The following METTL16 variants were observed in gnomAD, a reference collection of about 807,000 sequenced individuals.
The protein encoded by METTL16 is RNA N(6)-adenosine-methyltransferase METTL16.
A neutral mutation model predicts 57.9 loss-of-function variants in METTL16; 19 were observed. That is an observed-to-expected ratio of 0.33 (90% CI 0.23 to 0.48). The LOEUF is 0.48. Among genes scored for constraint, METTL16 ranks in the 20% least tolerant of loss-of-function variants. The pLI, the probability that METTL16 is intolerant of heterozygous loss-of-function variation, is 0.99. For missense variants in METTL16, 434 were observed against 691.5 expected (o/e 0.63, Z 4.18); for synonymous variants, 246 against 255.6 (o/e 0.96, Z 0.36).
intron 6 of METTL16, among the ~76,000 whole-genome samples, chr17:2,461,868 C>A: frequency 6.6e-6 from 1 of 152,090 alleles, no homozygotes. Context: ...TGTGAGCCAC[C>A]GTGCCCAGCC....
At position 2,428,602 on chromosome 17, in the gene METTL16, T is replaced by TATATATATTAAA. The variant is rs376112549; in HGVS notation, c.889-7699_889-7698insTTTAATATATAT. Among the ~76,000 whole-genome samples, 138 of 94,968 alleles carry TATATATATTAAA rather than the reference T, an allele frequency of 1.5e-3. 8 individuals are homozygous for TATATATATTAAA. The highest frequency in any genetic ancestry group is 5.0e-3 in the African/African-American group (107 of 21,418). The allele number at this position is 94,968 out of a possible 152,430, so 62.3% of individuals were successfully genotyped here. A position where few individuals can be genotyped will look rare whatever the true frequency, so the allele number is the denominator to read the frequency against. On this transcript the variant is annotated intron_variant, in intron 8 of 9. Transcript: ENST00000263092. Reference sequence around the variant, plus strand: ...ATATATATATATATATATATATATATAAATTGTAATACAGCGGGGCACAGT... The same window carrying TATATATATTAAA: ...ATATATATATATATATATATATATATATATATATTAAAAAATTGTAATACAGCGGGGCACAGT...
intron 4 of METTL16, 63 bp downstream of exon 4, chr17:2,473,461 G>C (rs930230637): frequency 1.2e-5 from 18 of 1,526,346 alleles, no homozygotes; most frequent in Non-Finnish European, 1.6e-5. Flanking sequence ...GTAATGAAAT[G>C]CGTTAAACTA....
chr17:2,481,455 G>C (rs1311578405), intron 2 of METTL16, among the ~76,000 whole-genome samples: 1 of 152,004 alleles, frequency 6.6e-6, no homozygotes, highest in Non-Finnish European at 1.5e-5. Context: ...AAGAGAAAGG[G>C]ATACAGCAAG....
rs751853784 is a variant in METTL16 at position 2,496,621 on chromosome 17, G to A, written c.128+5583C>T. Among the ~76,000 whole-genome samples, 16 of 151,260 alleles carry A rather than the reference G, an allele frequency of 1.1e-4. 1 individual carries two copies. The highest frequency in any genetic ancestry group is 3.2e-4 in the African/African-American group (13 of 40,882). On this transcript the variant is annotated intron_variant, in intron 2 of 9. Coordinates refer to ENST00000263092, the MANE Select transcript of METTL16 (RefSeq NM_024086.4). ...CTCTCATTTACCTACTTATTTTTGCGCATCCCTTTACTTTCATTTCTCTGT... is the reference window on the plus strand; with the variant it reads ...CTCTCATTTACCTACTTATTTTTGCACATCCCTTTACTTTCATTTCTCTGT...
chr17:2,502,624 G>A (rs866444915), intron 1 of METTL16, among the ~76,000 whole-genome samples: 2 of 151,942 alleles, frequency 1.3e-5, no homozygotes, highest in Non-Finnish European at 2.9e-5. Flanking sequence ...GGAGGTGGAG[G>A]GTGCAGTGAG....
intron 5 of METTL16, 39 bp downstream of exon 5, chr17:2,467,722 A>T (rs568837107): frequency 6.6e-7 from 1 of 1,523,004 alleles, no homozygotes; most frequent in Non-Finnish European, 9.1e-7. Context: ...CACCGCGCCC[A>T]GCCTATATTC....
At chr17:2,450,071 C>G (rs554748490) in intron 6 of METTL16, among the ~76,000 whole-genome samples, 15 of 152,196 alleles carry the variant, frequency 9.9e-5, no homozygotes, top group Non-Finnish European at 2.2e-4. Flanking sequence ...AAAGCAGCTT[C>G]TTAATAAAGT....
At chr17:2,486,672 C>A (rs540897948) in intron 2 of METTL16, among the ~76,000 whole-genome samples, 3 of 151,952 alleles carry the variant, frequency 2.0e-5, no homozygotes, top group African/African-American at 7.2e-5. Context: ...GCTATACCTG[C>A]GTTAAGAGGC....
chr17:2,491,366 G>A (rs974283153), intron 2 of METTL16, among the ~76,000 whole-genome samples: 6 of 152,110 alleles, frequency 3.9e-5, no homozygotes, highest in Admixed American at 2.0e-4. Context: ...CATTACAGAT[G>A]GATTTTGAAC....
At chr17:2,487,374 G>T (rs1321445813) in intron 2 of METTL16, among the ~76,000 whole-genome samples, 3 of 152,222 alleles carry the variant, frequency 2.0e-5, no homozygotes, top group Admixed American at 6.5e-5. Context: ...GGATAACAGC[G>T]ATGAAGGAGA....
chr17:2,430,010 C>T (rs1426258944), intron 8 of METTL16, among the ~76,000 whole-genome samples: 8 of 151,574 alleles, frequency 5.3e-5, no homozygotes, highest in Admixed American at 5.3e-4. Flanking sequence ...ACGGGGGTTT[C>T]ACCATGTTGG....
At chr17:2,445,182 CTA>C (rs1236176268) in intron 6 of METTL16, among the ~76,000 whole-genome samples, 1 of 152,116 alleles carries the variant, frequency 6.6e-6, no homozygotes, top group Non-Finnish European at 1.5e-5. Context: ...TGTCCCTTTT[CTA>C]TGTTTGATAT....
chr17:2,506,234 TCCTCTCCCTCTCCCTCCCCCTCCCCCTC>T (rs2067531888), intron 1 of METTL16, among the ~76,000 whole-genome samples: 1 of 144,086 alleles, frequency 6.9e-6, no homozygotes, highest in South Asian at 2.3e-4. Context: ...TTAAGACAAA[TCCTCTCCCTCTCCCTCCCCCTCCCCCTC>T]CCTCTCCCTC....
chr17:2,464,855 T>G (rs1367217599), intron 5 of METTL16, among the ~76,000 whole-genome samples: 2 of 151,842 alleles, frequency 1.3e-5, no homozygotes, highest in Non-Finnish European at 2.9e-5. Flanking sequence ...TTAATTTTCA[T>G]GAGCTTGGAT....
chr17:2,441,553 A>G lies in METTL16; in HGVS notation c.735T>C (p.Tyr245=), dbSNP rs2066951913. 1 of 1,575,814 alleles carries G rather than the reference A, an allele frequency of 6.3e-7. No individual in the cohort carries two copies. The highest frequency in any genetic ancestry group is 1.8e-5 in the Admixed American group (1 of 54,106). ...SLQLKKRLRW[Y]SCMLGKKCSL... is the part of the protein sequence containing the mutation. Reference sequence around the variant, plus strand: ...TGCATTTCTTTCCCAGCATGCAGCTATACCATCTAGGAAAAAAAAAATCAG... The same window carrying G: ...TGCATTTCTTTCCCAGCATGCAGCTGTACCATCTAGGAAAAAAAAAATCAG... Residue 245 remains tyrosine (Y), a synonymous_variant, in exon 7 of 10, where the codon TAT becomes TAC. Transcript: ENST00000263092.
At chr17:2,452,139 A>C (rs867717605) in intron 6 of METTL16, among the ~76,000 whole-genome samples, 4 of 149,120 alleles carry the variant, frequency 2.7e-5, no homozygotes, top group Middle Eastern at 6.8e-3. Context: ...CTTGTCTCAA[A>C]AAAAAAAAAA....
At chr17:2,439,300 TGA>T (rs971879107) in intron 7 of METTL16, among the ~76,000 whole-genome samples, 1 of 151,804 alleles carries the variant, frequency 6.6e-6, no homozygotes, top group African/African-American at 2.4e-5. Context: ...TTTGTTGAGA[TGA>T]GATTTCGCTG....
At chr17:2,460,279 C>T (rs974946242) in intron 6 of METTL16, 5 of 152,008 alleles carry the variant, frequency 3.3e-5, no homozygotes, top group African/African-American at 9.7e-5. Context: ...TATATGAGAC[C>T]AAGCACAAAA....
chr17:2,511,218 C>CTTTTTT (rs5818862), intron 1 of METTL16, among the ~76,000 whole-genome samples: 4 of 146,770 alleles, frequency 2.7e-5, no homozygotes, highest in Non-Finnish European at 6.0e-5. Flanking sequence ...GAGGCTTTCC[C>CTTTTTT]TTTTTTTTTT....
Sources: gnomAD v4.1 joint callset for allele counts (sites outside exome capture counted in the v4.1 genomes callset) on GRCh38, gnomAD v4.1.1 for gene constraint, MANE v1.5 for transcripts, NCBI Gene and HGNC (gene_info 2026-07-23, HGNC 2026-07-21) for gene names.